The following SHOC1 variants were observed in gnomAD, a reference collection of about 807,000 sequenced individuals.
SHOC1 encodes the protein shortage in chiasmata 1.
In SHOC1, 136 loss-of-function variants were observed where a neutral mutation model predicts 179.2. The observed-to-expected ratio is 0.76, with a 90% CI of 0.66 to 0.87. The LOEUF (loss-of-function observed/expected upper bound fraction) is 0.87, where lower values mean the gene tolerates loss of function less well. Ranked by LOEUF, SHOC1 falls within the 40% of genes least tolerant of loss-of-function variation. The pLI is 0.00. For missense variants in SHOC1, 1,538 were observed against 1,700.8 expected, an observed-to-expected ratio of 0.90 and a Z score of 1.68; for synonymous variants, 489 against 586.6, an observed-to-expected ratio of 0.83 and a Z score of 2.41.
chr9:111,699,654 C>T (rs1202341210), intron 24 of SHOC1, among the ~76,000 whole-genome samples: 1 of 152,106 alleles, frequency 6.6e-6, no homozygotes, highest in African/African-American at 2.4e-5. Flanking sequence ...AAGCTTAGTA[C>T]ATCTTTCATA....
At chr9:111,773,494 T>C (rs1180643824) in intron 5 of SHOC1, among the ~76,000 whole-genome samples, 1 of 152,036 alleles carries the variant, frequency 6.6e-6, no homozygotes, top group African/African-American at 2.4e-5. Flanking sequence ...GTATTTTTGG[T>C]AGAGACAGGG....
chr9:111,792,790 A>G (rs931038644), intron 1 of SHOC1, among the ~76,000 whole-genome samples: 1 of 152,174 alleles, frequency 6.6e-6, no homozygotes, highest in African/African-American at 2.4e-5. Flanking sequence ...ACTCTTAAAC[A>G]GGACCAACGT....
chr9:111,775,931 T>C lies in SHOC1; in HGVS notation c.302A>G (p.Glu101Gly), dbSNP rs1342400139. The change falls in exon 5 of 28, where the codon GAG becomes GGG. Residue 101 changes from glutamate (E) to glycine (G), a missense_variant. Physicochemically the swap from Glu to Gly is moderately conservative, Grantham distance 98. Coordinates refer to ENST00000682961, the MANE Select transcript of SHOC1 (RefSeq NM_001378211.1). ...RMVTQINCEF[E>G]EVVPSSNPDS... is the part of the protein sequence containing the mutation. ...TGGATTTGAACTTGGAACAACTTCC[T>C]CAAATTCACAATTAATCTGGGTCAC... 6.2e-7 allele frequency: 1 copy of C among 1,613,318 alleles called. No homozygotes were observed. The highest frequency in any genetic ancestry group is 1.3e-5 in the African/African-American group (1 of 74,898).
intron 12 of SHOC1, among the ~76,000 whole-genome samples, chr9:111,737,344 T>C (rs1165331447): frequency 6.6e-6 from 1 of 152,240 alleles, no homozygotes; most frequent in Non-Finnish European, 1.5e-5. Flanking sequence ...TTTCTAAATA[T>C]GTTCATTATC....
At chr9:111,722,729 CTTATT>C (rs10541089) in intron 14 of SHOC1, 144 bp from the exon 15 acceptor site, 251,842 of 560,518 alleles carry the variant, frequency 0.45, 61,887 homozygotes, top group East Asian at 0.8. Flanking sequence ...TGTATAAAAA[CTTATT>C]TTAAGATATT....
intron 20 of SHOC1, 51 bp from the exon 21 acceptor site, chr9:111,705,415 CTCTT>C (rs76471623): frequency 0.08 from 64,394 of 807,658 alleles, 2,212 homozygotes; most frequent in South Asian, 0.16. Context: ...CATCTCCCAG[CTCTT>C]TCTCTTTTTT....
intron 8 of SHOC1, among the ~76,000 whole-genome samples, chr9:111,753,763 T>G (rs1834718140): frequency 6.6e-6 from 1 of 152,122 alleles, no homozygotes; most frequent in Non-Finnish European, 1.5e-5. Context: ...TTCAAAACCC[T>G]TTCATGATAA....
chr9:111,686,809 AG>A lies in SHOC1; in HGVS notation c.4487del (p.Pro1496LeufsTer10). The A allele has an allele frequency of 6.2e-7, 1 of 1,613,736 alleles. No homozygotes were observed. The highest frequency in any genetic ancestry group is 8.5e-7 in the Non-Finnish European group (1 of 1,179,720). ...KKRRLAYEKV[P>X]GRVDGQTRLR... ...GCCGAGTCTGCCCATCAACTCTACCAGGGACTTTTTCATATGCTAGACGTCG... is the reference window on the plus strand; with the variant it reads ...GCCGAGTCTGCCCATCAACTCTACCAGGACTTTTTCATATGCTAGACGTCG... On this transcript the variant is annotated frameshift_variant, in exon 28 of 28. Transcript: ENST00000682961. LOFTEE classifies it high-confidence loss of function.
At chr9:111,690,851 A>G (rs1831394420) in intron 27 of SHOC1, among the ~76,000 whole-genome samples, 1 of 152,188 alleles carries the variant, frequency 6.6e-6, no homozygotes, top group African/African-American at 2.4e-5. Context: ...TCACAAAAAA[A>G]CCTATGAAAA....
intron 5 of SHOC1, among the ~76,000 whole-genome samples, chr9:111,769,970 CTTCTGTTTTTTTT>C (rs1184855969): frequency 3.2e-5 from 2 of 62,504 alleles, no homozygotes; most frequent in Non-Finnish European, 6.1e-5. Context: ...AAGGTTTTAT[CTTCTGTTTTTTTT>C]TTGTTTTTTT....
intron 2 of SHOC1, among the ~76,000 whole-genome samples, chr9:111,787,550 T>G (rs1261627392): frequency 6.6e-6 from 1 of 152,238 alleles, no homozygotes; most frequent in East Asian, 1.9e-4. Context: ...GTTGAATTAC[T>G]GCAATCTCAT....
At chr9:111,711,672 C>CA (rs1832556265) in intron 18 of SHOC1, among the ~76,000 whole-genome samples, 1 of 151,940 alleles carries the variant, frequency 6.6e-6, no homozygotes, top group African/African-American at 2.4e-5. Flanking sequence ...AATTCCCTTC[C>CA]AAAAAATGAA....
At chr9:111,778,973 C>T (rs1286641958) in intron 4 of SHOC1, among the ~76,000 whole-genome samples, 1 of 151,768 alleles carries the variant, frequency 6.6e-6, no homozygotes, top group African/African-American at 2.4e-5. Flanking sequence ...GTAGTGCATG[C>T]CTGTAATTCC....
At chr9:111,701,650 C>T (rs1451654554) in intron 23 of SHOC1, among the ~76,000 whole-genome samples, 4 of 151,792 alleles carry the variant, frequency 2.6e-5, no homozygotes, top group Admixed American at 6.6e-5. Context: ...GGTTTTAGAC[C>T]GGAAATATTA....
At chr9:111,752,156 T>C (rs1034970198) in intron 8 of SHOC1, among the ~76,000 whole-genome samples, 2 of 152,168 alleles carry the variant, frequency 1.3e-5, no homozygotes, top group African/African-American at 4.8e-5. Flanking sequence ...AAATCTGTGG[T>C]CTTATTATCT....
At chr9:111,760,299 G>GTTT in intron 5 of SHOC1, among the ~76,000 whole-genome samples, 1 of 152,152 alleles carries the variant, frequency 6.6e-6, no homozygotes, top group East Asian at 1.9e-4. Flanking sequence ...TACCAAGGTT[G>GTTT]TTTATAGCAA....
At chr9:111,714,981 A>G (rs981725531) in intron 16 of SHOC1, among the ~76,000 whole-genome samples, 2 of 152,152 alleles carry the variant, frequency 1.3e-5, no homozygotes, top group African/African-American at 4.8e-5. Context: ...TTTTCTTGGT[A>G]TTTTATCCGT....
chr9:111,716,040 C>T (rs905867337), intron 16 of SHOC1, among the ~76,000 whole-genome samples: 1 of 152,026 alleles, frequency 6.6e-6, no homozygotes, highest in Non-Finnish European at 1.5e-5. Flanking sequence ...AAAGAAAGGA[C>T]AACCTAACTT....
Position 111,714,459 on chromosome 9 carries a change from G to C in SHOC1, c.2401C>G (p.Gln801Glu). ...CAATACTTAACCTTAATTTGCTGTT[G>C]ACTTTGCATCCAACTTAGTATCTGA... ...QCQILSWMQSQQQIKVLIIIR... is the reference protein window; with the variant it reads ...QCQILSWMQSEQQIKVLIIIR... The change falls in exon 17 of 28, where the codon CAA (glutamine) becomes GAA (glutamate). Residue 801 changes from glutamine to glutamate, a missense_variant. By Grantham distance (29) the Gln-to-Glu change is conservative. Transcript: ENST00000682961. 6.2e-7 allele frequency: 1 copy of C among 1,613,402 alleles called. No homozygotes were observed. Among genetic ancestry groups the C allele is most frequent in the Non-Finnish European group, 8.5e-7 (1 of 1,179,802 alleles).
Sources: gnomAD v4.1 joint callset for allele counts (sites outside exome capture counted in the v4.1 genomes callset) on GRCh38, gnomAD v4.1.1 for gene constraint, MANE v1.5 for transcripts, NCBI Gene and HGNC (gene_info 2026-07-23, HGNC 2026-07-21) for gene names.